Variants in TAOK3 observed in about 807,000 individuals in gnomAD.
The protein encoded by TAOK3 is TAO kinase 3.
A neutral mutation model predicts 120.4 loss-of-function variants in TAOK3; 40 were observed. That is an observed-to-expected ratio of 0.33 (90% CI 0.26 to 0.43). The LOEUF is 0.43. Among genes scored for constraint, TAOK3 ranks in the 20% least tolerant of loss-of-function variants. The probability of loss-of-function intolerance (pLI) is 1.00; values close to 1 mark genes in which losing one functional copy is unlikely to be tolerated. For missense variants in TAOK3, 821 were observed against 1,112.1 expected (o/e 0.74, Z 3.72); for synonymous variants, 355 against 387.5 (o/e 0.92, Z 0.99).
At chr12:118,329,579 T>C (rs1198921103) in intron 1 of TAOK3, among the ~76,000 whole-genome samples, 2 of 152,124 alleles carry the variant, frequency 1.3e-5, no homozygotes, top group Admixed American at 1.3e-4. Context: ...GTCCCATACT[T>C]ATGGGGGGGT....
chr12:118,190,840 G>A (rs1385200542), intron 13 of TAOK3, among the ~76,000 whole-genome samples: 9 of 152,296 alleles, frequency 5.9e-5, no homozygotes, highest in African/African-American at 2.2e-4. Context: ...TGCTTTCAAA[G>A]GATGATGTTC....
intron 1 of TAOK3, among the ~76,000 whole-genome samples, chr12:118,345,044 CACTT>C (rs1279206950): frequency 2.6e-5 from 4 of 152,114 alleles, no homozygotes; most frequent in Admixed American, 1.3e-4. Flanking sequence ...TCTACTGAAT[CACTT>C]ACTTATTAAG....
At chr12:118,278,179 G>A (rs1173579192) in intron 1 of TAOK3, among the ~76,000 whole-genome samples, 2 of 152,032 alleles carry the variant, frequency 1.3e-5, no homozygotes, top group African/African-American at 4.8e-5. Context: ...AGGGGTACAT[G>A]TGCAGGTTTG....
At chr12:118,279,227 T>C (rs1462942111) in intron 1 of TAOK3, among the ~76,000 whole-genome samples, 2 of 152,216 alleles carry the variant, frequency 1.3e-5, no homozygotes, top group Non-Finnish European at 2.9e-5. Flanking sequence ...ATGTCTTCTT[T>C]TGAAAAGTGT....
At chr12:118,343,359 G>A (rs1456125761) in intron 1 of TAOK3, among the ~76,000 whole-genome samples, 2 of 151,312 alleles carry the variant, frequency 1.3e-5, no homozygotes, top group East Asian at 1.9e-4. Flanking sequence ...CCCAGAAGGC[G>A]GAGGTTACAG....
At chr12:118,270,303 T>A (rs957663343) in intron 1 of TAOK3, among the ~76,000 whole-genome samples, 2 of 152,224 alleles carry the variant, frequency 1.3e-5, no homozygotes, top group Admixed American at 1.3e-4. Context: ...CTCCTTTTCT[T>A]TTCCTCTTAC....
chr12:118,321,561 G>C (rs1216720404), intron 1 of TAOK3, among the ~76,000 whole-genome samples: 1 of 151,982 alleles, frequency 6.6e-6, no homozygotes, highest in Non-Finnish European at 1.5e-5. Context: ...CTGCAAGTAT[G>C]TTTTTCATAA....
At chr12:118,203,879 G>A (rs1256425381) in intron 11 of TAOK3, among the ~76,000 whole-genome samples, 1 of 152,138 alleles carries the variant, frequency 6.6e-6, no homozygotes, top group African/African-American at 2.4e-5. Context: ...TAATAAAACA[G>A]GTTTGTGGGC....
At chr12:118,252,948 G>C (rs2040821218) in intron 3 of TAOK3, among the ~76,000 whole-genome samples, 1 of 152,036 alleles carries the variant, frequency 6.6e-6, no homozygotes, top group African/African-American at 2.4e-5. Context: ...GGATAGTCTC[G>C]AACTCTTGAC....
intron 1 of TAOK3, among the ~76,000 whole-genome samples, chr12:118,352,188 A>T (rs547003845): frequency 6.6e-6 from 1 of 152,068 alleles, no homozygotes; most frequent in South Asian, 2.1e-4. Flanking sequence ...ATAGTTCTAT[A>T]GGATGGAAAG....
chr12:118,330,322 C>T (rs1268809783), intron 1 of TAOK3, among the ~76,000 whole-genome samples: 1 of 152,158 alleles, frequency 6.6e-6, no homozygotes, highest in East Asian at 1.9e-4. Context: ...CGTCTTTTGT[C>T]TGTAACAATA....
At chr12:118,276,403 T>G (rs2041903903) in intron 1 of TAOK3, among the ~76,000 whole-genome samples, 1 of 152,170 alleles carries the variant, frequency 6.6e-6, no homozygotes, top group Non-Finnish European at 1.5e-5. Flanking sequence ...AATTGCCCAT[T>G]TATAAAACTG....
At chr12:118,230,810 T>C (rs1310196800) in intron 9 of TAOK3, among the ~76,000 whole-genome samples, 1 of 152,138 alleles carries the variant, frequency 6.6e-6, no homozygotes, top group Non-Finnish European at 1.5e-5. Flanking sequence ...AAGTTCGTTA[T>C]AAGCCCTTTT....
rs1224729503 is a variant in TAOK3, at chr12:118,160,530, C to G, written c.2140-172G>C. On this transcript the variant is annotated intron_variant, in intron 18 of 20. Transcript: ENST00000392533. This position sits in a 1 kb window ranked among gnomAD's most constrained non-coding sequence, Gnocchi z 4.2. ...TGTATGACACAGACAAAAGTTAACT[C>G]TACCTGTACTTTTGGTTTTATATTG... Among the ~76,000 whole-genome samples the G allele has an allele frequency of 6.6e-6, 1 of 152,186 alleles. No homozygotes were observed. Among genetic ancestry groups the G allele is most frequent in the Non-Finnish European group, 1.5e-5 (1 of 68,038 alleles).
At chr12:118,331,913 G>A (rs952374617) in intron 1 of TAOK3, among the ~76,000 whole-genome samples, 38 of 149,496 alleles carry the variant, frequency 2.5e-4, no homozygotes, top group Non-Finnish European at 5.0e-4. Context: ...TGCAACCTCC[G>A]CCTCCTGGGT....
chr12:118,209,700 T>G (rs1048990648), intron 11 of TAOK3, among the ~76,000 whole-genome samples: 1 of 98,232 alleles, frequency 1.0e-5, no homozygotes, highest in African/African-American at 3.8e-5. Flanking sequence ...CACCCGGCTC[T>G]TCTTCTTCTT....
chr12:118,371,899 C>T lies in TAOK3; in HGVS notation c.-194+749G>A, dbSNP rs2045907292. Among the ~76,000 whole-genome samples, 1 of 151,892 alleles carries T rather than the reference C, an allele frequency of 6.6e-6. No homozygotes were observed. Among genetic ancestry groups the T allele is most frequent in the Non-Finnish European group, 1.5e-5 (1 of 67,924 alleles). ...GCCCTCTGGGGGTCCCCTCCTCTCA[C>T]CCCGCTGTCCTGGCCCCTCTCGGGG... On this transcript the variant is annotated intron_variant, in intron 1 of 20. Transcript: ENST00000392533. This position sits in a 1 kb window ranked among gnomAD's most constrained non-coding sequence, Gnocchi z 5.5.
chr12:118,207,858 T>TCACACACACACACA (rs55978716), intron 11 of TAOK3, among the ~76,000 whole-genome samples: 27,387 of 144,018 alleles, frequency 0.19, 2,734 homozygotes, highest in South Asian at 0.24. Context: ...AGACTCTGTC[T>TCACACACACACACA]CACACACACA....
intron 16 of TAOK3, among the ~76,000 whole-genome samples, chr12:118,173,682 T>A (rs2036144277): frequency 6.6e-6 from 1 of 150,950 alleles, no homozygotes; most frequent in Admixed American, 6.6e-5. Flanking sequence ...AAATTCACAA[T>A]TTTTCCAGAA....
Sources: allele counts gnomAD v4.1 joint callset (sites outside exome capture counted in the v4.1 genomes callset), GRCh38; gene constraint gnomAD v4.1.1; non-coding constraint Gnocchi (gnomAD v3.1); transcripts MANE v1.5; gene names NCBI Gene and HGNC (gene_info 2026-07-23, HGNC 2026-07-21).